CDH13: variants seen among roughly 807,000 people sequenced by gnomAD.
The protein encoded by CDH13 is cadherin 13.
CDH13 carries 24 observed loss-of-function variants against 63.8 expected under a neutral mutation model. The ratio of observed to expected loss-of-function variants is 0.38; its 90% CI spans 0.27 to 0.53. The LOEUF is 0.53. CDH13 is among the 20% of genes least tolerant of loss of function. CDH13 has a pLI of 0.85. For synonymous variants in CDH13, 503 were observed against 355.3 expected, an observed-to-expected ratio of 1.42 and a Z score of -4.67; for missense variants, 1,049 against 903.1, an observed-to-expected ratio of 1.16 and a Z score of -2.07.
At chr16:83,176,835 G>C (rs533071953) in intron 4 of CDH13, among the ~76,000 whole-genome samples, 1 of 152,134 alleles carries the variant, frequency 6.6e-6, no homozygotes, top group South Asian at 2.1e-4. Context: ...TTGTAGCTCT[G>C]TTGAGCCTGG....
At chr16:83,544,916 C>A (rs538679142) in intron 7 of CDH13, among the ~76,000 whole-genome samples, 1 of 152,116 alleles carries the variant, frequency 6.6e-6, no homozygotes, top group African/African-American at 2.4e-5. Flanking sequence ...CCCCGTTAGC[C>A]GTCATTACAT....
intron 1 of CDH13, chr16:82,639,312 C>T (rs1053184658): frequency 3.7e-6 from 5 of 1,363,780 alleles, no homozygotes; most frequent in East Asian, 2.5e-5. Context: ...ACAGGGTCAG[C>T]CCGGGGTCAT....
In CDH13 at chr16:83,157,621, G is replaced by T. The variant is rs184108424; in HGVS notation, c.483+32120G>T. ...AGTAAAGAAATATGTCCGGCCGGGCGCGGTGGTTCACACCTGTCATCCCAG... is the reference window on the plus strand; with the variant it reads ...AGTAAAGAAATATGTCCGGCCGGGCTCGGTGGTTCACACCTGTCATCCCAG... On this transcript the variant is annotated intron_variant, in intron 4 of 13. Transcript: ENST00000567109. 9.2e-5 allele frequency among the ~76,000 whole-genome samples: 14 copies of T among 152,114 alleles called. No individual in the cohort carries two copies. The East Asian group carries it at 2.1e-3, about 23-fold the overall frequency.
intron 4 of CDH13, among the ~76,000 whole-genome samples, chr16:83,158,481 G>A (rs1212765943): frequency 1.3e-5 from 2 of 152,214 alleles, no homozygotes; most frequent in Non-Finnish European, 2.9e-5. Context: ...GTACTTGCCA[G>A]GGCTGGCTGT....
At chr16:83,388,961 G>C (rs2091732064) in intron 6 of CDH13, among the ~76,000 whole-genome samples, 1 of 152,152 alleles carries the variant, frequency 6.6e-6, no homozygotes, top group South Asian at 2.1e-4. Context: ...CTTGGCTGAT[G>C]ATAGGAATGA....
intron 4 of CDH13, among the ~76,000 whole-genome samples, chr16:83,141,916 C>G (rs1358813396): frequency 6.6e-6 from 1 of 152,124 alleles, no homozygotes; most frequent in Non-Finnish European, 1.5e-5. Context: ...CAACTAGCAA[C>G]TCCCCCATGC....
At chr16:83,455,130 G>A (rs2072987289) in intron 6 of CDH13, among the ~76,000 whole-genome samples, 1 of 152,196 alleles carries the variant, frequency 6.6e-6, no homozygotes, top group African/African-American at 2.4e-5. Context: ...TGTAGAGTTT[G>A]CTCAAGTCTG....
chr16:82,714,806 T>G (rs2032241512), intron 1 of CDH13, among the ~76,000 whole-genome samples: 1 of 140,472 alleles, frequency 7.1e-6, no homozygotes. Context: ...CAGCTACAAT[T>G]CAAGGGACAC....
chr16:82,777,044 C>A (rs2035531394), intron 1 of CDH13, among the ~76,000 whole-genome samples: 1 of 152,220 alleles, frequency 6.6e-6, no homozygotes, highest in Non-Finnish European at 1.5e-5. Context: ...CTTCTGAGTT[C>A]AAATGATCCT....
At chr16:83,347,543 A>C (rs923908561) in intron 6 of CDH13, among the ~76,000 whole-genome samples, 2 of 152,188 alleles carry the variant, frequency 1.3e-5, no homozygotes, top group African/African-American at 2.4e-5. Context: ...TGCGTCGAGT[A>C]CTTACTGTGT....
chr16:83,433,650 G>A (rs2072196957), intron 6 of CDH13, among the ~76,000 whole-genome samples: 1 of 152,186 alleles, frequency 6.6e-6, no homozygotes. Context: ...CATTACCCCA[G>A]CAGGAAAGAA....
chr16:83,556,976 C>A (rs1401017421), intron 7 of CDH13, among the ~76,000 whole-genome samples: 1 of 152,184 alleles, frequency 6.6e-6, no homozygotes, highest in Non-Finnish European at 1.5e-5. Context: ...GTCCCCGACC[C>A]CCAGGCCTGT....
chr16:82,991,411 G>A (rs1363692003), intron 2 of CDH13, among the ~76,000 whole-genome samples: 3 of 151,956 alleles, frequency 2.0e-5, no homozygotes, highest in Non-Finnish European at 2.9e-5. Context: ...ATATAAATTG[G>A]CCAGCCTTAT....
At chr16:83,659,552 G>C (rs1262267311) in intron 8 of CDH13, among the ~76,000 whole-genome samples, 1 of 152,248 alleles carries the variant, frequency 6.6e-6, no homozygotes, top group Non-Finnish European at 1.5e-5. Flanking sequence ...AATCACAGGG[G>C]GGTGTTTTCA....
chr16:82,743,840 A>G (rs1350568778), intron 1 of CDH13, among the ~76,000 whole-genome samples: 1 of 152,220 alleles, frequency 6.6e-6, no homozygotes, highest in Non-Finnish European at 1.5e-5. Flanking sequence ...TATAAATATG[A>G]CATAGAAAAA....
intron 1 of CDH13, among the ~76,000 whole-genome samples, chr16:82,732,712 G>C (rs2151038586): frequency 6.6e-6 from 1 of 152,264 alleles, no homozygotes; most frequent in East Asian, 1.9e-4. Flanking sequence ...TCTAACCACT[G>C]ATTTCCAAAG....
At chr16:83,236,594 A>T (rs1020788991) in intron 5 of CDH13, among the ~76,000 whole-genome samples, 5 of 152,172 alleles carry the variant, frequency 3.3e-5, no homozygotes, top group Non-Finnish European at 7.3e-5. Context: ...CTGGAAAAAC[A>T]GTTCTGGAGA....
At chr16:83,530,191 T>C (rs1327975131) in intron 7 of CDH13, among the ~76,000 whole-genome samples, 1 of 152,134 alleles carries the variant, frequency 6.6e-6, no homozygotes, top group Non-Finnish European at 1.5e-5. Flanking sequence ...TCATGATAAT[T>C]TGTAATAGGT....
intron 4 of CDH13, among the ~76,000 whole-genome samples, chr16:83,134,633 T>G (rs1442769322): frequency 1.3e-5 from 2 of 151,834 alleles, no homozygotes; most frequent in East Asian, 3.9e-4. Flanking sequence ...CCTATGTATA[T>G]GATGGTGTTT....
Sources: gnomAD v4.1 joint callset for allele counts (sites outside exome capture counted in the v4.1 genomes callset) on GRCh38, gnomAD v4.1.1 for gene constraint, MANE v1.5 for transcripts, NCBI Gene and HGNC (gene_info 2026-07-23, HGNC 2026-07-21) for gene names.